Variants in KIF25 observed in about 807,000 individuals in gnomAD.
KIF25 encodes the protein kinesin-like protein KIF25.
A neutral mutation model predicts 32.9 loss-of-function variants in KIF25; 19 were observed. That is an observed-to-expected ratio of 0.58 (90% confidence interval 0.40 to 0.85). The LOEUF is 0.85. Among genes scored for constraint, KIF25 ranks in the 40% least tolerant of loss-of-function variants. The pLI, the probability that KIF25 is intolerant of heterozygous loss-of-function variation, is 0.00. For synonymous variants in KIF25, 225 were observed against 213.7 expected (o/e 1.05, Z -0.46); for missense variants, 485 against 507.0 (o/e 0.96, Z 0.42).
In KIF25 at chr6:168,028,876, T is replaced by C. The variant is rs539999853; in HGVS notation, c.-94-616T>C. ...ACTGATAGAGTCTCATCTCCCAGCA[T>C]GTCTTCTAACTCTGTTTGTATATAT... On this transcript the variant is annotated intron_variant, in intron 5 of 12. Transcript: ENST00000643607. 8.5e-5 allele frequency among the ~76,000 whole-genome samples: 13 copies of C among 152,352 alleles called. No individual in the cohort carries two copies. In the South Asian group the frequency reaches 2.3e-3, roughly 27 times the overall value.
intron 12 of KIF25, among the ~76,000 whole-genome samples, chr6:168,043,963 TGG>T (rs1799171608): frequency 6.6e-6 from 1 of 152,186 alleles, no homozygotes; most frequent in Non-Finnish European, 1.5e-5. Flanking sequence ...CACAGGGCCA[TGG>T]GCCGTGAGCA....
chr6:168,029,758 T>C, intron 6 of KIF25, 81 bp downstream of exon 6: 2 of 1,497,208 alleles, frequency 1.3e-6, no homozygotes, highest in Non-Finnish European at 1.8e-6. Context: ...TTCTATTCTT[T>C]CTACTTTTGT....
chr6:168,011,361 G>T (rs1224604895), intron 4 of KIF25, among the ~76,000 whole-genome samples: 1 of 152,134 alleles, frequency 6.6e-6, no homozygotes, highest in Non-Finnish European at 1.5e-5. Flanking sequence ...ACACCCTTGA[G>T]TATTTCTTGT....
At chr6:168,030,691 G>T in intron 6 of KIF25, 82 bp from the exon 7 acceptor site, 5 of 987,258 alleles carry the variant, frequency 5.1e-6, no homozygotes, top group Non-Finnish European at 7.8e-6. Context: ...ACGGGGCGTT[G>T]TGTTCCCAGG....
At chr6:168,028,517 C>G (rs1798896367) in intron 5 of KIF25, among the ~76,000 whole-genome samples, 1 of 152,228 alleles carries the variant, frequency 6.6e-6, no homozygotes, top group Non-Finnish European at 1.5e-5. Flanking sequence ...GTTCCAGTGT[C>G]TGAGCCCGTC....
chr6:168,039,762 A>G (rs1799088235), intron 9 of KIF25, among the ~76,000 whole-genome samples: 1 of 152,244 alleles, frequency 6.6e-6, no homozygotes. Context: ...TTTTTAAAAC[A>G]TGGTTCCTGG....
chr6:168,013,313 G>C (rs908207064), intron 4 of KIF25, among the ~76,000 whole-genome samples: 4 of 151,924 alleles, frequency 2.6e-5, no homozygotes, highest in African/African-American at 9.7e-5. Context: ...GCAGTGATGG[G>C]GGTTGGTTTC....
At chr6:168,017,739 G>A (rs1413323359) in intron 4 of KIF25, 1 of 152,112 alleles carries the variant, frequency 6.6e-6, no homozygotes, top group Non-Finnish European at 1.5e-5. Context: ...TTTGGGAAAG[G>A]GCCAGGGAGT....
At chr6:168,030,652 C>T in intron 6 of KIF25, 121 bp from the exon 7 acceptor site, 1 of 646,560 alleles carries the variant, frequency 1.5e-6, no homozygotes, top group Non-Finnish European at 2.7e-6. Context: ...GTTGAAGAAT[C>T]CTGATGGCGT....
intron 2 of KIF25, among the ~76,000 whole-genome samples, chr6:168,001,686 CCTCGGG>C: frequency 8.0e-6 from 1 of 125,512 alleles, no homozygotes; most frequent in African/African-American, 3.1e-5. Context: ...TGAGGCGTGG[CCTCGGG>C]CAGGTGAGAA....
intron 4 of KIF25, among the ~76,000 whole-genome samples, chr6:168,014,580 C>A (rs1020889834): frequency 2.0e-5 from 3 of 152,208 alleles, no homozygotes; most frequent in African/African-American, 7.2e-5. Flanking sequence ...CTTGTATCTC[C>A]TGGCTCCCAC....
chr6:168,011,182 C>T (rs550108995), intron 4 of KIF25, among the ~76,000 whole-genome samples: 45 of 152,018 alleles, frequency 3.0e-4, no homozygotes, highest in Non-Finnish European at 5.6e-4. Flanking sequence ...TTTGTCTATC[C>T]TTTGCTTCTT....
chr6:168,021,442 A>G (rs900179092), intron 5 of KIF25, among the ~76,000 whole-genome samples: 3 of 152,264 alleles, frequency 2.0e-5, no homozygotes, highest in Non-Finnish European at 4.4e-5. Context: ...TCTGCTTCAA[A>G]TGACGCACGA....
Position 168,009,955 on chromosome 6 carries a change from T to G in KIF25, c.-163+6252T>G, listed in dbSNP as rs1407385618. On this transcript the variant is annotated intron_variant, in intron 4 of 12. Coordinates refer to ENST00000643607, the MANE Select transcript of KIF25 (RefSeq NM_030615.4). ...TTTCTGATTTTATTTGGGTCTTCCT[T>G]CTTTTTTCTGTTAGTCTGGCTAATG... Among the ~76,000 whole-genome samples the G allele has an allele frequency of 2.6e-5, 4 of 152,028 alleles. No individual in the cohort carries two copies. In the East Asian group the frequency reaches 5.8e-4, roughly 22 times the overall value.
At chr6:168,029,457 A>G in intron 5 of KIF25, 35 bp from the exon 6 acceptor site, 1 of 1,425,214 alleles carries the variant, frequency 7.0e-7, no homozygotes, top group South Asian at 1.4e-5. Context: ...GGTCGTGGTA[A>G]TACTGTTACG....
rs1040023102 is a variant in KIF25 at position 168,034,176 on chromosome 6, G to T, written c.317+145G>T. 1.4e-5 allele frequency: 11 copies of T among 777,416 alleles called. No individual in the cohort carries two copies. The African/African-American group carries it at 1.9e-4, about 14-fold the overall frequency. The allele number at this position is 777,416 out of a possible 1,614,324, so 48.2% of individuals were successfully genotyped here. Reference sequence around the variant, plus strand: ...TCTCATCAGATACATTCAACACTATGAAGTGCTTTCATACTTCTGGGCATT... The same window carrying T: ...TCTCATCAGATACATTCAACACTATTAAGTGCTTTCATACTTCTGGGCATT... On this transcript the variant is annotated intron_variant, in intron 8 of 12. Coordinates refer to ENST00000643607, the MANE Select transcript of KIF25 (RefSeq NM_030615.4).
At chr6:168,032,030 A>G (rs1047192544) in intron 7 of KIF25, among the ~76,000 whole-genome samples, 1 of 152,228 alleles carries the variant, frequency 6.6e-6, no homozygotes, top group South Asian at 2.1e-4. Context: ...GGGTTAAGGT[A>G]AAGGATTATG....
intron 8 of KIF25, among the ~76,000 whole-genome samples, chr6:168,034,455 C>T (rs543890404): frequency 7.2e-5 from 11 of 152,250 alleles, no homozygotes; most frequent in East Asian, 5.8e-4. Flanking sequence ...GACGGAGTTT[C>T]GCTGTGTTGG....
At chr6:168,036,418 C>T (rs1025275524) in intron 8 of KIF25, among the ~76,000 whole-genome samples, 1 of 152,220 alleles carries the variant, frequency 6.6e-6, no homozygotes, top group Non-Finnish European at 1.5e-5. Flanking sequence ...CCCCTCCCCG[C>T]CCCAGAGAGT....
Sources: gnomAD v4.1 joint callset for allele counts (sites outside exome capture counted in the v4.1 genomes callset) on GRCh38, gnomAD v4.1.1 for gene constraint, MANE v1.5 for transcripts, NCBI Gene and HGNC (gene_info 2026-07-23, HGNC 2026-07-21) for gene names.